PACS2: variants seen among roughly 807,000 people sequenced by gnomAD.
PACS2 encodes the protein PACS1-like protein.
In PACS2, 36 loss-of-function variants were observed where a neutral mutation model predicts 113.0. The ratio of observed to expected loss-of-function variants is 0.32; its 90% CI spans 0.24 to 0.42. PACS2 has a LOEUF of 0.42. Among genes scored for constraint, PACS2 ranks in the 10% least tolerant of loss-of-function variants. The pLI, the probability that PACS2 is intolerant of heterozygous loss-of-function variation, is 1.00. For missense variants in PACS2, 1,015 were observed against 1,239.5 expected (o/e 0.82, Z 2.72); for synonymous variants, 589 against 536.1 (o/e 1.10, Z -1.36).
chr14:105,374,747 AAAC>A (rs2061284790), intron 8 of PACS2: 1 of 152,244 alleles, frequency 6.6e-6, no homozygotes, highest in South Asian at 2.1e-4. Flanking sequence ...GCACGGAGAA[AAAC>A]AATCTCAAAG....
chr14:105,391,953 G>C, intron 22 of PACS2, 187 bp downstream of exon 22: 1 of 594,896 alleles, frequency 1.7e-6, no homozygotes, highest in Non-Finnish European at 2.9e-6. Flanking sequence ...CTGGTGTTTG[G>C]GGGCAGGACC....
intron 16 of PACS2, 61 bp downstream of exon 16, chr14:105,383,574 ATGGAG>A (rs2081067593): frequency 1.3e-6 from 2 of 1,495,822 alleles, no homozygotes; most frequent in South Asian, 2.5e-5. Context: ...GTGGCGTGGC[ATGGAG>A]TGGTGTGGCG....
chr14:105,331,185 C>T (rs1159619158), intron 1 of PACS2, among the ~76,000 whole-genome samples: 2 of 152,118 alleles, frequency 1.3e-5, no homozygotes, highest in Non-Finnish European at 2.9e-5. Context: ...AAACTCCTGA[C>T]CTCAGGTGAT....
chr14:105,320,309 G>C (rs1674803568), intron 1 of PACS2, among the ~76,000 whole-genome samples: 1 of 152,014 alleles, frequency 6.6e-6, no homozygotes, highest in Admixed American at 6.6e-5. Flanking sequence ...CCTATTCCTG[G>C]AAAAATACTA....
intron 20 of PACS2, chr14:105,390,208 C>A: frequency 1.6e-6 from 1 of 622,630 alleles, no homozygotes; most frequent in African/African-American, 1.8e-5. Context: ...TGTTAGTTCC[C>A]CTTAGCTCTG....
Position 105,391,611 on chromosome 14 carries a change from C to T in PACS2, c.2120-20C>T. Reference sequence around the variant, plus strand: ...AGAGCAGCAGGTGGGCTCAGCCTGCCCTGTGACTCCTCCCCAAAGGCGACT... The same window carrying T: ...AGAGCAGCAGGTGGGCTCAGCCTGCTCTGTGACTCCTCCCCAAAGGCGACT... On this transcript the variant is annotated intron_variant, in intron 21 of 24. Coordinates refer to ENST00000447393, the MANE Select transcript of PACS2 (RefSeq NM_001100913.3). The T allele has an allele frequency of 6.2e-7, 1 of 1,605,838 alleles. No individual in the cohort carries two copies. The highest frequency in any genetic ancestry group is 8.5e-7 in the Non-Finnish European group (1 of 1,178,950).
At chr14:105,374,579 C>G (rs1310589854) in intron 8 of PACS2, 1 of 152,224 alleles carries the variant, frequency 6.6e-6, no homozygotes, top group African/African-American at 2.4e-5. Flanking sequence ...CTGCTGTCCA[C>G]TTGTACTGAG....
At chr14:105,327,003 G>C (rs180817877) in intron 1 of PACS2, among the ~76,000 whole-genome samples, 28 of 152,202 alleles carry the variant, frequency 1.8e-4, no homozygotes, top group Non-Finnish European at 1.2e-4. Flanking sequence ...CACTACACCC[G>C]AATCGACGCA....
At chr14:105,362,275 G>A (rs587632594) in intron 4 of PACS2, among the ~76,000 whole-genome samples, 61 of 150,984 alleles carry the variant, frequency 4.0e-4, no homozygotes, top group South Asian at 2.7e-3. Flanking sequence ...AAAATTAGCT[G>A]GGCGTGGTGG....
At position 105,315,109 on chromosome 14, in the gene PACS2, G is replaced by T; in HGVS notation, c.119+72G>T. ...GGTGTCCTGGCCGCGGCCTCTGCGC[G>T]CCCCATCCCCGGCCCGGGTCCCCCA... On this transcript the variant is annotated intron_variant, in intron 1 of 24. Transcript: ENST00000447393. The surrounding 1 kb of genome is among the most constrained non-coding windows in gnomAD (Gnocchi z 4.4). 1.0e-6 allele frequency: 1 copy of T among 954,970 alleles called. No homozygotes were observed. The highest frequency in any genetic ancestry group is 1.3e-6 in the Non-Finnish European group (1 of 788,890). The allele number at this position is 954,970 out of a possible 1,614,324, so 59.2% of individuals were successfully genotyped here.
At chr14:105,337,170 C>CA (rs2059558890) in intron 1 of PACS2, among the ~76,000 whole-genome samples, 1 of 152,228 alleles carries the variant, frequency 6.6e-6, no homozygotes, top group Non-Finnish European at 1.5e-5. Flanking sequence ...TGGAATAAGC[C>CA]AGTCACAGGA....
At chr14:105,345,402 G>A (rs587768271) in intron 1 of PACS2, among the ~76,000 whole-genome samples, 57 of 151,972 alleles carry the variant, frequency 3.8e-4, no homozygotes, top group African/African-American at 1.3e-3. Flanking sequence ...GCGAGACTCC[G>A]TCTTGAGAAA....
chr14:105,393,381 G>T (rs782627768), intron 24 of PACS2, 46 bp downstream of exon 24: 1 of 1,355,684 alleles, frequency 7.4e-7, no homozygotes. Flanking sequence ...ACGTAGGTGA[G>T]AGCACAGCAA....
rs1237656406 is a variant in PACS2, at chr14:105,357,585, G to A, written c.423+2408G>A. 3.9e-5 allele frequency among the ~76,000 whole-genome samples: 6 copies of A among 152,158 alleles called. No homozygotes were observed. The highest frequency in any genetic ancestry group is 2.0e-4 in the Admixed American group (3 of 15,282). On this transcript the variant is annotated intron_variant, in intron 4 of 24. Transcript: ENST00000447393. This position sits in a 1 kb window ranked among gnomAD's most constrained non-coding sequence, Gnocchi z 5.1. Reference sequence around the variant, plus strand: ...CACCAGGGCGGTTCATGGGCTCCCTGTGTCCTGCCACCTTTTGGGGCTGGT... The same window carrying A: ...CACCAGGGCGGTTCATGGGCTCCCTATGTCCTGCCACCTTTTGGGGCTGGT...
Position 105,351,010 on chromosome 14 carries a change from G to A in PACS2, c.208-1368G>A, listed in dbSNP as rs1595661824. ...GAGCCCGAGTACGGCCATGCGGGCC[G>A]CCCGCACCTGTCCTGAGGCCCCGCT... On this transcript the variant is annotated intron_variant, in intron 2 of 24. Transcript: ENST00000447393. Among the ~76,000 whole-genome samples the A allele has an allele frequency of 2.6e-5, 4 of 152,158 alleles. No individual in the cohort carries two copies. In the East Asian group the frequency reaches 7.7e-4, roughly 29 times the overall value.
At position 105,348,642 on chromosome 14, in the gene PACS2, A is replaced by G; in HGVS notation, c.207+62A>G. The G allele has an allele frequency of 8.2e-7, 1 of 1,219,162 alleles. No homozygotes were observed. 75.5% of individuals were successfully genotyped at this position (1,219,162 alleles called of 1,614,324 possible). A position where few individuals can be genotyped will look rare whatever the true frequency, so the allele number is the denominator to read the frequency against. ...TGTGTAGGCTTTCCATGTGCCTGGG[A>G]GACGAGTCAGGCGGTGCGCTACTGT... On this transcript the variant is annotated intron_variant, in intron 2 of 24. Transcript: ENST00000447393. The surrounding 1 kb of genome is among the most constrained non-coding windows in gnomAD (Gnocchi z 6.4).
intron 8 of PACS2, chr14:105,370,482 G>A (rs2061110624): frequency 6.6e-6 from 1 of 152,168 alleles, no homozygotes; most frequent in South Asian, 2.1e-4. Flanking sequence ...GGAGGCCAAG[G>A]CAGGCAGATC....
At chr14:105,338,026 C>G (rs1396670480) in intron 1 of PACS2, among the ~76,000 whole-genome samples, 1 of 152,212 alleles carries the variant, frequency 6.6e-6, no homozygotes, top group Admixed American at 6.5e-5. Flanking sequence ...GCCATGCTGT[C>G]TCTGGCCTCC....
intron 1 of PACS2, among the ~76,000 whole-genome samples, chr14:105,326,974 G>A (rs587625902): frequency 2.0e-5 from 3 of 152,206 alleles, no homozygotes; most frequent in Admixed American, 6.5e-5. Context: ...AAAGGTTGTC[G>A]CGCCTTGGAA....
Sources: gnomAD v4.1 joint callset for allele counts (sites outside exome capture counted in the v4.1 genomes callset) on GRCh38, gnomAD v4.1.1 for gene constraint, Gnocchi (gnomAD v3.1) non-coding constraint, MANE v1.5 for transcripts, NCBI Gene and HGNC (gene_info 2026-07-23, HGNC 2026-07-21) for gene names.